FRMD4A: variants seen among roughly 807,000 people sequenced by gnomAD.
FRMD4A encodes the protein FERM domain containing 4A.
Under a neutral mutation model 129.1 loss-of-function variants are expected in FRMD4A, and 29 were observed. That is an observed-to-expected ratio of 0.22 (90% CI 0.17 to 0.31). The LOEUF (loss-of-function observed/expected upper bound fraction) is 0.31, where lower values mean the gene tolerates loss of function less well. FRMD4A is among the 10% of genes least tolerant of loss of function. The pLI, the probability that FRMD4A is intolerant of heterozygous loss-of-function variation, is 1.00. For missense variants in FRMD4A, 1,272 were observed against 1,375.8 expected, an observed-to-expected ratio of 0.92 and a Z score of 1.19; for synonymous variants, 634 against 571.6, an observed-to-expected ratio of 1.11 and a Z score of -1.56.
intron 14 of FRMD4A, among the ~76,000 whole-genome samples, chr10:13,700,064 A>G (rs2086650821): frequency 2.0e-5 from 3 of 152,046 alleles, no homozygotes; most frequent in African/African-American, 7.2e-5. Flanking sequence ...TTTAAAACTG[A>G]ATTATGACTA....
intron 2 of FRMD4A, among the ~76,000 whole-genome samples, chr10:13,897,406 C>CTCT (rs780230653): frequency 6.6e-6 from 1 of 152,106 alleles, no homozygotes; most frequent in Non-Finnish European, 1.5e-5. Context: ...AAGAGCTGAA[C>CTCT]TCTTAAAGAG....
chr10:14,259,691 C>T (rs1037255330), intron 2 of FRMD4A, among the ~76,000 whole-genome samples: 1 of 152,184 alleles, frequency 6.6e-6, no homozygotes, highest in Admixed American at 6.5e-5. Context: ...TTTGACTTCA[C>T]TTCATTTTGC....
chr10:14,122,536 T>C lies in FRMD4A; in HGVS notation c.45+207522A>G, dbSNP rs183783227. Among the ~76,000 whole-genome samples the C allele has an allele frequency of 1.6e-3, 238 of 151,016 alleles. 1 individual carries two copies. The highest frequency in any genetic ancestry group is 5.4e-3 in the African/African-American group (220 of 40,974). On this transcript the variant is annotated intron_variant, in intron 2 of 24. Transcript: ENST00000357447. ...GGCTTCTGGGGAGGCCTCAGGAAAC[T>C]TACAATCACGGCAGAATGTGAAGCG...
chr10:14,113,829 T>A (rs1442832492), intron 2 of FRMD4A, among the ~76,000 whole-genome samples: 3 of 152,112 alleles, frequency 2.0e-5, no homozygotes, highest in African/African-American at 7.2e-5. Context: ...TCCTCTTCTT[T>A]CTCCTCCTTC....
At chr10:13,858,752 A>C in intron 3 of FRMD4A, 95 bp downstream of exon 3, 1 of 792,060 alleles carries the variant, frequency 1.3e-6, no homozygotes, top group East Asian at 2.4e-5. Context: ...ATTTAAAAAC[A>C]GTTTACCAAA....
At chr10:14,287,884 A>C (rs970786006) in intron 2 of FRMD4A, among the ~76,000 whole-genome samples, 1 of 152,122 alleles carries the variant, frequency 6.6e-6, no homozygotes, top group African/African-American at 2.4e-5. Context: ...TAAAACCATA[A>C]TTCTTTAACT....
intron 2 of FRMD4A, chr10:14,008,574 G>C (rs1368047704): frequency 1.1e-6 from 1 of 900,684 alleles, no homozygotes; most frequent in Non-Finnish European, 1.3e-6. Flanking sequence ...TCTATCAGAC[G>C]TATTATTCAT....
intron 2 of FRMD4A, among the ~76,000 whole-genome samples, chr10:14,090,738 A>T (rs989052333): frequency 6.6e-6 from 1 of 152,220 alleles, no homozygotes; most frequent in Non-Finnish European, 1.5e-5. Context: ...AGTATTTTGC[A>T]ACAAATCTTT....
At chr10:14,245,252 G>A (rs1844190955) in intron 2 of FRMD4A, among the ~76,000 whole-genome samples, 1 of 152,190 alleles carries the variant, frequency 6.6e-6, no homozygotes, top group Non-Finnish European at 1.5e-5. Context: ...TGGGAGGAGA[G>A]CATAGGCACC....
chr10:13,981,923 A>C (rs941674913), intron 2 of FRMD4A, among the ~76,000 whole-genome samples: 1 of 152,058 alleles, frequency 6.6e-6, no homozygotes, highest in Non-Finnish European at 1.5e-5. Context: ...AGGCCAGGTT[A>C]CCTGCCGGAT....
chr10:13,776,232 T>A (rs1410926314), intron 6 of FRMD4A, among the ~76,000 whole-genome samples: 1 of 152,124 alleles, frequency 6.6e-6, no homozygotes, highest in Non-Finnish European at 1.5e-5. Context: ...CACCTCAGCC[T>A]CCAGAGAAGC....
chr10:13,762,755 G>T, intron 6 of FRMD4A, 75 bp from the exon 7 acceptor site: 1 of 887,128 alleles, frequency 1.1e-6, no homozygotes, highest in Non-Finnish European at 1.9e-6. Flanking sequence ...TTAAATGACA[G>T]CTCTTCTTCG....
At chr10:13,806,722 G>A (rs1182289730) in intron 4 of FRMD4A, among the ~76,000 whole-genome samples, 2 of 152,238 alleles carry the variant, frequency 1.3e-5, no homozygotes, top group East Asian at 1.9e-4. Context: ...CTGGGGGTAG[G>A]TCCCAGGCAT....
intron 5 of FRMD4A, among the ~76,000 whole-genome samples, chr10:13,789,468 T>C (rs1175803271): frequency 6.6e-6 from 1 of 151,964 alleles, no homozygotes; most frequent in Non-Finnish European, 1.5e-5. Context: ...TGATCAGAAC[T>C]ACAGGACACT....
chr10:13,819,084 C>T (rs1457357561), intron 3 of FRMD4A, among the ~76,000 whole-genome samples: 1 of 152,052 alleles, frequency 6.6e-6, no homozygotes, highest in Admixed American at 6.5e-5. Context: ...GCCGAGATCG[C>T]ACCACTACCC....
chr10:14,308,089 C>A (rs1454750232), intron 2 of FRMD4A, among the ~76,000 whole-genome samples: 1 of 152,188 alleles, frequency 6.6e-6, no homozygotes, highest in African/African-American at 2.4e-5. Flanking sequence ...TTTGGAAGCT[C>A]AGTCTTTCAA....
intron 3 of FRMD4A, among the ~76,000 whole-genome samples, chr10:13,826,779 C>T (rs189555225): frequency 1.2e-3 from 190 of 152,224 alleles, no homozygotes; most frequent in Non-Finnish European, 1.7e-3. Context: ...ACTGCTCTCC[C>T]GGGAGGCTAA....
chr10:14,145,099 A>G (rs759834777), intron 2 of FRMD4A, among the ~76,000 whole-genome samples: 1 of 152,232 alleles, frequency 6.6e-6, no homozygotes, highest in Non-Finnish European at 1.5e-5. Context: ...GAGCTTACAT[A>G]GAAACAGAAT....
At chr10:14,073,541 G>A (rs1367524502) in intron 2 of FRMD4A, among the ~76,000 whole-genome samples, 1 of 152,146 alleles carries the variant, frequency 6.6e-6, no homozygotes, top group African/African-American at 2.4e-5. Flanking sequence ...AACACTGGGG[G>A]CTGGGGTCAC....
Sources: gnomAD v4.1 joint callset for allele counts (sites outside exome capture counted in the v4.1 genomes callset) on GRCh38, gnomAD v4.1.1 for gene constraint, MANE v1.5 for transcripts, NCBI Gene and HGNC (gene_info 2026-07-23, HGNC 2026-07-21) for gene names.